Variants in FLI1 observed in about 807,000 individuals in gnomAD.
The protein encoded by FLI1 is Friend leukemia integration 1 transcription factor.
A neutral mutation model predicts 53.1 loss-of-function variants in FLI1; 13 were observed. The ratio of observed to expected loss-of-function variants is 0.24; its 90% CI spans 0.16 to 0.39. The LOEUF is 0.39. Ranked by LOEUF, FLI1 falls within the 10% of genes least tolerant of loss-of-function variation. The pLI, the probability that FLI1 is intolerant of heterozygous loss-of-function variation, is 1.00. For synonymous variants in FLI1, 244 were observed against 236.7 expected (o/e 1.03, Z -0.28); for missense variants, 424 against 600.5 (o/e 0.71, Z 3.07).
upstream of FLI1, among the ~76,000 whole-genome samples, chr11:128,691,117 G>T (rs1046381977): frequency 2.6e-5 from 4 of 152,168 alleles, no homozygotes; most frequent in Admixed American, 1.3e-4. Flanking sequence ...CTCACCGCAG[G>T]CTCTCTATCA....
intron 1 of FLI1, among the ~76,000 whole-genome samples, chr11:128,732,734 T>C (rs753557006): frequency 2.0e-5 from 3 of 152,136 alleles, no homozygotes; most frequent in Admixed American, 6.5e-5. Flanking sequence ...TTCCAACACA[T>C]AACCAAAGCA....
chr11:128,718,154 A>G (rs1310392935), intron 1 of FLI1, among the ~76,000 whole-genome samples: 1 of 152,240 alleles, frequency 6.6e-6, no homozygotes. Context: ...AGATACAGCA[A>G]CTAACACTTA....
intron 1 of FLI1, among the ~76,000 whole-genome samples, chr11:128,747,179 G>C (rs1460994304): frequency 6.6e-6 from 1 of 152,224 alleles, no homozygotes; most frequent in African/African-American, 2.4e-5. Context: ...CTTGAAGCAG[G>C]GTTCTGGAGG....
chr11:128,712,947 C>T (rs753871962), intron 1 of FLI1, among the ~76,000 whole-genome samples: 4 of 152,194 alleles, frequency 2.6e-5, no homozygotes, highest in Non-Finnish European at 4.4e-5. Flanking sequence ...AATAAATACC[C>T]CAGGCTTTCT....
intron 1 of FLI1, among the ~76,000 whole-genome samples, chr11:128,713,041 C>T (rs1248427757): frequency 1.3e-5 from 2 of 152,182 alleles, no homozygotes; most frequent in African/African-American, 4.8e-5. Context: ...TTCAGGTACA[C>T]ATCATTGCGA....
intron 1 of FLI1, among the ~76,000 whole-genome samples, chr11:128,733,193 A>G (rs1208369201): frequency 6.6e-6 from 1 of 151,598 alleles, no homozygotes; most frequent in Non-Finnish European, 1.5e-5. Flanking sequence ...TTTTTCACTG[A>G]GTACCTAACT....
chr11:128,687,319 G>A (rs1156985595), intron 1 of FLI1, among the ~76,000 whole-genome samples: 2 of 152,000 alleles, frequency 1.3e-5, no homozygotes, highest in African/African-American at 4.8e-5. Flanking sequence ...ACAAACTGAA[G>A]CTGGGACACC....
intron 2 of FLI1, among the ~76,000 whole-genome samples, chr11:128,762,032 G>T (rs1038318288): frequency 6.6e-6 from 1 of 152,140 alleles, no homozygotes; most frequent in Non-Finnish European, 1.5e-5. Context: ...TTCCCTAAGG[G>T]CTCACATGTA....
At chr11:128,739,397 C>G (rs80327610) in intron 1 of FLI1, among the ~76,000 whole-genome samples, 9,068 of 152,212 alleles carry the variant, frequency 0.06, 889 homozygotes, top group African/African-American at 0.21. Context: ...AAGGCACACT[C>G]CTTACGCTCC....
In FLI1 at chr11:128,811,252, G is replaced by A; in HGVS notation, c.*264G>A. 2 of 510,562 alleles carry A rather than the reference G, an allele frequency of 3.9e-6. No individual in the cohort carries two copies. Among genetic ancestry groups the A allele is most frequent in the Non-Finnish European group, 6.9e-6 (2 of 287,864 alleles). The allele number at this position is 510,562 out of a possible 1,614,324, so 31.6% of individuals were successfully genotyped here. ...TCAGTCTCCTAGCATCTTGTGAGTT[G>A]CATATTAAGATTACTGGAATGGTTA... On this transcript the variant is annotated 3_prime_UTR_variant, in exon 9 of 9. Coordinates refer to ENST00000527786, the MANE Select transcript of FLI1 (RefSeq NM_002017.5).
chr11:128,692,392 C>T (rs1295795950), upstream of FLI1, among the ~76,000 whole-genome samples: 1 of 152,000 alleles, frequency 6.6e-6, no homozygotes, highest in Non-Finnish European at 1.5e-5. Flanking sequence ...GATTGAGAAG[C>T]AGACAGGAGC....
intron 1 of FLI1, among the ~76,000 whole-genome samples, chr11:128,743,399 T>A: frequency 1.5e-5 from 2 of 137,658 alleles, no homozygotes; most frequent in African/African-American, 2.8e-5. Context: ...GGCAAGACCA[T>A]GTCTCTAAAA....
At chr11:128,796,943 C>A (rs1029831391) in intron 5 of FLI1, among the ~76,000 whole-genome samples, 5 of 152,216 alleles carry the variant, frequency 3.3e-5, no homozygotes, top group Non-Finnish European at 5.9e-5. Flanking sequence ...CCATTGCACT[C>A]CAGCCTGGGG....
At chr11:128,707,877 C>T (rs1282025023) in intron 1 of FLI1, among the ~76,000 whole-genome samples, 2 of 152,178 alleles carry the variant, frequency 1.3e-5, no homozygotes, top group African/African-American at 4.8e-5. Flanking sequence ...ATTAAAGGCT[C>T]AAAACACTGG....
intron 1 of FLI1, among the ~76,000 whole-genome samples, chr11:128,698,396 G>A (rs1938179454): frequency 6.6e-6 from 1 of 152,216 alleles, no homozygotes; most frequent in Non-Finnish European, 1.5e-5. Context: ...CCTGTTTTGT[G>A]TGTGAATAAT....
chr11:128,719,587 T>C (rs909367256), intron 1 of FLI1, among the ~76,000 whole-genome samples: 1 of 152,088 alleles, frequency 6.6e-6, no homozygotes, highest in African/African-American at 2.4e-5. Flanking sequence ...CGATCTCTGG[T>C]GGACTTGAAG....
Position 128,698,274 on chromosome 11 carries a change from A to C in FLI1, c.18+3998A>C, listed in dbSNP as rs374976942. Among the ~76,000 whole-genome samples, 94 of 152,322 alleles carry C rather than the reference A, an allele frequency of 6.2e-4. No individual in the cohort carries two copies. In the East Asian group the frequency reaches 0.012, roughly 20 times the overall value. ...CCTCCCTCTACCACACACACCTTGT[A>C]ATCTCCATGTCACCTGGATTCACAA... On this transcript the variant is annotated intron_variant, in intron 1 of 8. Transcript: ENST00000527786.
chr11:128,800,927 A>G (rs1369469498), intron 5 of FLI1, among the ~76,000 whole-genome samples: 1 of 152,226 alleles, frequency 6.6e-6, no homozygotes, highest in Non-Finnish European at 1.5e-5. Context: ...AAGATCTGTT[A>G]TCTTGGTACT....
At chr11:128,786,985 G>A (rs781646974) in intron 5 of FLI1, among the ~76,000 whole-genome samples, 5 of 152,170 alleles carry the variant, frequency 3.3e-5, no homozygotes, top group East Asian at 3.9e-4. Context: ...CACTGCAAGC[G>A]GAATGGCCAT....
Sources: allele counts gnomAD v4.1 joint callset (sites outside exome capture counted in the v4.1 genomes callset), GRCh38; gene constraint gnomAD v4.1.1; transcripts MANE v1.5; gene names NCBI Gene and HGNC (gene_info 2026-07-23, HGNC 2026-07-21).